Variants in MAN1B1 observed in about 807,000 individuals in gnomAD.
The protein encoded by MAN1B1 is endoplasmic reticulum mannosyl-oligosaccharide 1,2-alpha-mannosidase.
MAN1B1 carries 66 observed loss-of-function variants against 75.5 expected under a neutral mutation model. That is an observed-to-expected ratio of 0.87 (90% CI 0.72 to 1.07). MAN1B1 has a LOEUF of 1.07. Ranked by LOEUF, MAN1B1 falls within the 50% of genes least tolerant of loss-of-function variation. MAN1B1 has a pLI of 0.00. For synonymous variants in MAN1B1, 453 were observed against 382.8 expected (o/e 1.18, Z -2.14); for missense variants, 973 against 912.5 (o/e 1.07, Z -0.85).
At position 137,108,525 on chromosome 9, in the gene MAN1B1, G is replaced by C. The variant is rs1473895077; in HGVS notation, c.2034G>C (p.Leu678=). The change falls in exon 13 of 13, where the codon CTG becomes CTC. Residue 678 remains leucine (L), a synonymous_variant. Coordinates refer to ENST00000371589, the MANE Select transcript of MAN1B1 (RefSeq NM_016219.5). ...LFLLFSDDPN[L]LSLDAYVFNT... The stretch of plus-strand genomic sequence containing the variant: ...TGCTCTTCTCCGATGACCCAAACCT[G>C]CTCAGCCTGGATGCCTACGTGTTCA... 1 of 1,613,984 alleles carries C rather than the reference G, an allele frequency of 6.2e-7. No individual in the cohort carries two copies. Among genetic ancestry groups the C allele is most frequent in the Non-Finnish European group, 8.5e-7 (1 of 1,180,014 alleles).
chr9:137,095,751 CAG>C (rs112496062), intron 3 of MAN1B1, among the ~76,000 whole-genome samples: 11 of 152,240 alleles, frequency 7.2e-5, no homozygotes, highest in South Asian at 2.1e-4. Context: ...GGTGTGGAAA[CAG>C]GGAACAGGGT....
chr9:137,096,224 A>G lies in MAN1B1; in HGVS notation c.466-13A>G, dbSNP rs1330765455. ...ACACCCCGTGATTTCCTGTGTGACC[A>G]ATTTCTCTACAGAAGACACAAAGAC... On this transcript the variant is annotated splice_polypyrimidine_tract_variant and intron_variant, in intron 3 of 12. Coordinates refer to ENST00000371589, the MANE Select transcript of MAN1B1 (RefSeq NM_016219.5). 1.2e-5 allele frequency: 20 copies of G among 1,614,136 alleles called. No homozygotes were observed. The highest frequency in any genetic ancestry group is 1.7e-5 in the Non-Finnish European group (20 of 1,180,022).
At chr9:137,095,227 G>A (rs150855791) in intron 3 of MAN1B1, among the ~76,000 whole-genome samples, 220 of 151,134 alleles carry the variant, frequency 1.5e-3, no homozygotes, top group African/African-American at 4.9e-3. Context: ...CTAATTGTTC[G>A]TAATTTTAGT....
rs1290682701 is a variant in MAN1B1, at chr9:137,088,932, C to G, written c.392C>G (p.Ala131Gly). 1 of 1,613,828 alleles carries G rather than the reference C, an allele frequency of 6.2e-7. No individual in the cohort carries two copies. Among genetic ancestry groups the G allele is most frequent in the Non-Finnish European group, 8.5e-7 (1 of 1,180,004 alleles). ...CCAGAAATTGCTGGGTTAAAACCAGCAAATCCACCCGTCTTACCAGCTCCT... is the reference window on the plus strand; with the variant it reads ...CCAGAAATTGCTGGGTTAAAACCAGGAAATCCACCCGTCTTACCAGCTCCT... ...MRPEIAGLKP[A>G]NPPVLPAPQK... The change falls in exon 3 of 13, where the codon GCA (alanine) becomes GGA (glycine). Residue 131 changes from alanine to glycine, a missense_variant. Coordinates refer to ENST00000371589, the MANE Select transcript of MAN1B1 (RefSeq NM_016219.5).
chr9:137,101,614 CCAG>C lies in MAN1B1; in HGVS notation c.1199_1201del (p.Ser400del), dbSNP rs757945040. On this transcript the variant is annotated inframe_deletion, in exon 8 of 13. Coordinates refer to ENST00000371589, the MANE Select transcript of MAN1B1 (RefSeq NM_016219.5). ...TCCGACAGCACTGTGGCCGAGGTGACCAGCATTCAGCTGGAGTTCCGGGAGCTC... is the reference window on the plus strand; with the variant it reads ...TCCGACAGCACTGTGGCCGAGGTGACCATTCAGCTGGAGTTCCGGGAGCTC... 1 of 1,613,722 alleles carries C rather than the reference CCAG, an allele frequency of 6.2e-7. No homozygotes were observed. Among genetic ancestry groups the C allele is most frequent in the Non-Finnish European group, 8.5e-7 (1 of 1,179,968 alleles).
At position 137,106,891 on chromosome 9, in the gene MAN1B1, A is replaced by ACAG. The variant is rs113628935; in HGVS notation, c.1566+83_1566+84insAGC. 2.1e-5 allele frequency: 33 copies of ACAG among 1,572,564 alleles called. 1 individual carries two copies. In the African/African-American group the frequency reaches 4.4e-4, roughly 21 times the overall value. ...TGCCTGAGTCATGATGTCAAAAAGA[A>ACAG]CGAAATCCTGGCCATGGCGCCCACG... is the stretch of plus-strand genomic sequence containing the variant. On this transcript the variant is annotated intron_variant, in intron 10 of 12. Coordinates refer to ENST00000371589, the MANE Select transcript of MAN1B1 (RefSeq NM_016219.5).
intron 8 of MAN1B1, chr9:137,103,898 T>C: frequency 1.5e-5 from 7 of 455,246 alleles, no homozygotes; most frequent in South Asian, 1.1e-4. Context: ...TTCATGCTGT[T>C]GCAGGCATGC....
Position 137,107,552 on chromosome 9 carries a change from C to T in MAN1B1, c.1786C>T (p.Leu596=). 1.9e-6 allele frequency: 3 copies of T among 1,612,854 alleles called. No homozygotes were observed. The highest frequency in any genetic ancestry group is 2.5e-6 in the Non-Finnish European group (3 of 1,179,978). The change falls in exon 12 of 13, where the codon CTG becomes TTG. Residue 596 remains leucine, a synonymous_variant. Coordinates refer to ENST00000371589, the MANE Select transcript of MAN1B1 (RefSeq NM_016219.5). ...ACAGCCAGCAGACAGGCACAACCTG[C>T]TGCGGCCAGAGACCGTGGAGAGCCT... ...EVKPADRHNL[L]RPETVESLFY...
rs1485288676 is a variant in MAN1B1, at chr9:137,087,130, C to T, written c.131C>T (p.Pro44Leu). The T allele has an allele frequency of 6.9e-6, 11 of 1,593,252 alleles. No homozygotes were observed. In the East Asian group the frequency reaches 1.4e-4, roughly 20 times the overall value. ...TVVMYPPPPPPPHRDFISVTL... is the reference protein window; with the variant it reads ...TVVMYPPPPPLPHRDFISVTL... ...GTCATGTACCCACCGCCGCCGCCGCCGCCTCATCGGGACTTCATCTCGGTG... is the reference window on the plus strand; with the variant it reads ...GTCATGTACCCACCGCCGCCGCCGCTGCCTCATCGGGACTTCATCTCGGTG... Residue 44 changes from proline to leucine, a missense_variant, in exon 1 of 13, where the codon CCG becomes CTG. Pro to Leu is a moderately conservative substitution (Grantham distance 98). Transcript: ENST00000371589.
chr9:137,088,639 T>C, intron 2 of MAN1B1: 1 of 695,434 alleles, frequency 1.4e-6, no homozygotes, highest in Non-Finnish European at 2.4e-6. Flanking sequence ...GAATGGAAAA[T>C]AGGAAGGCAA....
chr9:137,105,929 G>GGTGGCTGT (rs1198796018), intron 8 of MAN1B1, 196 bp from the exon 9 acceptor site: 5 of 696,600 alleles, frequency 7.2e-6, no homozygotes, highest in Non-Finnish European at 1.3e-5. Flanking sequence ...GCGTTGCACT[G>GGTGGCTGT]GTGGCTGTGT....
At position 137,108,624 on chromosome 9, in the gene MAN1B1, G is replaced by T. The variant is rs1274260871; in HGVS notation, c.*33G>T. ...GGCTGCTGGTGTGGGGACTTCGGGT[G>T]GGCAGAGGCACCTTGCTGGGTCTGT... On this transcript the variant is annotated 3_prime_UTR_variant, in exon 13 of 13. Coordinates refer to ENST00000371589, the MANE Select transcript of MAN1B1 (RefSeq NM_016219.5). 4 of 1,601,840 alleles carry T rather than the reference G, an allele frequency of 2.5e-6. No individual in the cohort carries two copies. Among genetic ancestry groups the T allele is most frequent in the Non-Finnish European group, 3.4e-6 (4 of 1,169,494 alleles).
intron 8 of MAN1B1, chr9:137,104,982 C>G (rs1269310292): frequency 6.5e-6 from 1 of 152,720 alleles, no homozygotes; most frequent in Non-Finnish European, 1.5e-5. Context: ...CTCAGCCTCC[C>G]GAGTAGCTGG....
At chr9:137,102,109 CGGT>C (rs1564287524) in intron 8 of MAN1B1, 1 of 444,452 alleles carries the variant, frequency 2.2e-6, no homozygotes, top group South Asian at 1.6e-5. Context: ...GCGTGCAGGT[CGGT>C]GGTGTTACAT....
intron 6 of MAN1B1, 98 bp downstream of exon 6, chr9:137,099,979 C>T: frequency 2.2e-6 from 3 of 1,384,112 alleles, no homozygotes; most frequent in Non-Finnish European, 2.0e-6. Flanking sequence ...CTGCTGTTTG[C>T]ATCTGACCAT....
chr9:137,100,955 C>T (rs567755389), intron 6 of MAN1B1, 50 bp from the exon 7 acceptor site: 20 of 1,607,228 alleles, frequency 1.2e-5, no homozygotes, highest in Admixed American at 6.7e-5. Flanking sequence ...AATAGGAAAA[C>T]GTTGGAGCCA....
At chr9:137,097,403 T>C (rs1223549213) in intron 4 of MAN1B1, among the ~76,000 whole-genome samples, 1 of 152,178 alleles carries the variant, frequency 6.6e-6, no homozygotes, top group East Asian at 1.9e-4. Context: ...CAGAACTCGA[T>C]GGGGAGTTTG....
intron 8 of MAN1B1, chr9:137,102,682 T>C: frequency 2.6e-6 from 1 of 386,086 alleles, no homozygotes; most frequent in South Asian, 1.8e-5. Context: ...ACATTCACAC[T>C]GTTGCAGACA....
intron 1 of MAN1B1, 55 bp downstream of exon 1, chr9:137,087,273 C>T (rs560664450): frequency 2.0e-6 from 3 of 1,532,798 alleles, no homozygotes; most frequent in Admixed American, 2.0e-5. Context: ...CGCCGCCCTC[C>T]CAGACTGCGG....
Sources: allele counts gnomAD v4.1 joint callset (sites outside exome capture counted in the v4.1 genomes callset), GRCh38; gene constraint gnomAD v4.1.1; transcripts MANE v1.5; gene names NCBI Gene and HGNC (gene_info 2026-07-23, HGNC 2026-07-21).